Variants in RTN1 observed in about 807,000 individuals in gnomAD.
RTN1 encodes reticulon-1.
A neutral mutation model predicts 65.5 loss-of-function variants in RTN1; 25 were observed. That is an observed-to-expected ratio of 0.38 (90% CI 0.28 to 0.53). The LOEUF (loss-of-function observed/expected upper bound fraction) is 0.53. Ranked by LOEUF, RTN1 falls within the 20% of genes least tolerant of loss-of-function variation. The pLI is 0.79. For synonymous variants in RTN1, 471 were observed against 447.6 expected (o/e 1.05, Z -0.66); for missense variants, 983 against 1,025.4 (o/e 0.96, Z 0.57).
chr14:59,776,544 A>G (rs1295836464), intron 1 of RTN1, among the ~76,000 whole-genome samples: 1 of 152,156 alleles, frequency 6.6e-6, no homozygotes, highest in Non-Finnish European at 1.5e-5. Flanking sequence ...TTATAGCAAC[A>G]TGAAATGGGC....
At chr14:59,733,730 G>A (rs981303855) in intron 2 of RTN1, among the ~76,000 whole-genome samples, 2 of 152,250 alleles carry the variant, frequency 1.3e-5, no homozygotes, top group African/African-American at 2.4e-5. Context: ...CCCTGCTCAT[G>A]TTCTCCCTGG....
intron 3 of RTN1, among the ~76,000 whole-genome samples, chr14:59,699,557 T>C (rs1042996146): frequency 6.6e-6 from 1 of 152,142 alleles, no homozygotes; most frequent in African/African-American, 2.4e-5. Context: ...GATGGGGAAG[T>C]AGCAATATTT....
At chr14:59,662,376 G>A (rs1027435461) in intron 3 of RTN1, among the ~76,000 whole-genome samples, 3 of 134,380 alleles carry the variant, frequency 2.2e-5, no homozygotes, top group African/African-American at 5.7e-5. Flanking sequence ...TGTTCTCATT[G>A]TTCAATTCCC....
chr14:59,721,076 A>G (rs766591321), intron 3 of RTN1, among the ~76,000 whole-genome samples: 5 of 152,188 alleles, frequency 3.3e-5, no homozygotes, highest in Non-Finnish European at 7.3e-5. Context: ...CAAATATTTT[A>G]GGACAGAAGT....
At chr14:59,609,466 C>T (rs1881877442) in intron 3 of RTN1, among the ~76,000 whole-genome samples, 1 of 151,978 alleles carries the variant, frequency 6.6e-6, no homozygotes, top group Admixed American at 6.6e-5. Context: ...GCACCAAAAG[C>T]CATAATCTTT....
intron 1 of RTN1, among the ~76,000 whole-genome samples, chr14:59,788,501 C>A (rs1474898503): frequency 1.3e-5 from 2 of 152,066 alleles, no homozygotes; most frequent in Non-Finnish European, 2.9e-5. Flanking sequence ...TGTTTGTTTG[C>A]CACTTGTATT....
chr14:59,827,853 T>C (rs12879160), intron 1 of RTN1, among the ~76,000 whole-genome samples: 27,658 of 152,220 alleles, frequency 0.18, 2,919 homozygotes, highest in East Asian at 0.29. Flanking sequence ...TCAGGGCAAG[T>C]CTTTTGATTT....
chr14:59,642,538 T>A (rs1226613500), intron 3 of RTN1, among the ~76,000 whole-genome samples: 1 of 152,162 alleles, frequency 6.6e-6, no homozygotes, highest in Non-Finnish European at 1.5e-5. Flanking sequence ...CCACTTCGGA[T>A]ATTTGATATT....
intron 3 of RTN1, among the ~76,000 whole-genome samples, chr14:59,718,518 C>T (rs141054326): frequency 2.0e-5 from 3 of 152,294 alleles, no homozygotes; most frequent in Admixed American, 6.5e-5. Flanking sequence ...ACCATAATCC[C>T]TACCTATCTC....
intron 3 of RTN1, among the ~76,000 whole-genome samples, chr14:59,677,013 C>A (rs1163695813): frequency 6.6e-6 from 1 of 152,094 alleles, no homozygotes; most frequent in Non-Finnish European, 1.5e-5. Context: ...GAGAGCTCAC[C>A]CCAAATCTCC....
At chr14:59,853,480 T>G (rs544972183) in intron 1 of RTN1, among the ~76,000 whole-genome samples, 1 of 152,260 alleles carries the variant, frequency 6.6e-6, no homozygotes, top group African/African-American at 2.4e-5. Context: ...CATCCTATCT[T>G]CTTTTAAGCA....
In RTN1 at chr14:59,675,052, T is replaced by TACACAC. The variant is rs5809041; in HGVS notation, c.1765+51861_1765+51866dup. ...CAGCCCAGTGGGGTATGCAGATGAA[T>TACACAC]ACACACACACACACACACACACACA... On this transcript the variant is annotated intron_variant, in intron 3 of 8. Coordinates refer to ENST00000267484, the MANE Select transcript of RTN1 (RefSeq NM_021136.3). 7.3e-3 allele frequency among the ~76,000 whole-genome samples: 1,088 copies of TACACAC among 148,236 alleles called. 4 individuals are homozygous for TACACAC. Among genetic ancestry groups the TACACAC allele is most frequent in the African/African-American group, 0.017 (672 of 40,348 alleles).
At chr14:59,844,785 G>T (rs1887376424) in intron 1 of RTN1, among the ~76,000 whole-genome samples, 1 of 152,090 alleles carries the variant, frequency 6.6e-6, no homozygotes, top group Non-Finnish European at 1.5e-5. Context: ...ACGACTTAGG[G>T]AAAACATATA....
intron 3 of RTN1, among the ~76,000 whole-genome samples, chr14:59,715,311 C>G (rs1297884677): frequency 6.6e-6 from 1 of 152,194 alleles, no homozygotes; most frequent in African/African-American, 2.4e-5. Flanking sequence ...GGCTCTGAGA[C>G]TTTCCTCATC....
chr14:59,679,388 G>A (rs781471774), intron 3 of RTN1, among the ~76,000 whole-genome samples: 1 of 152,032 alleles, frequency 6.6e-6, no homozygotes, highest in Non-Finnish European at 1.5e-5. Context: ...GTAAAATAAG[G>A]CTAGAGACTG....
chr14:59,764,786 A>G (rs1176922736), intron 1 of RTN1, among the ~76,000 whole-genome samples: 1 of 152,178 alleles, frequency 6.6e-6, no homozygotes, highest in African/African-American at 2.4e-5. Flanking sequence ...TGAATGGGAT[A>G]ATTATCTTCA....
chr14:59,765,091 A>G (rs1173301045), intron 1 of RTN1, among the ~76,000 whole-genome samples: 1 of 152,152 alleles, frequency 6.6e-6, no homozygotes, highest in Non-Finnish European at 1.5e-5. Flanking sequence ...TTGCCTCGTA[A>G]AATGCTGTTC....
At chr14:59,807,183 G>A (rs1221426032) in intron 1 of RTN1, among the ~76,000 whole-genome samples, 1 of 152,186 alleles carries the variant, frequency 6.6e-6, no homozygotes, top group African/African-American at 2.4e-5. Context: ...GAAGCATGGT[G>A]GGTGGTGACA....
chr14:59,607,663 CTT>C (rs1200376781), intron 3 of RTN1, 171 bp from the exon 4 acceptor site: 1 of 623,216 alleles, frequency 1.6e-6, no homozygotes, highest in African/African-American at 1.8e-5. Flanking sequence ...TGTCATTCCA[CTT>C]TGGTTTGGAA....
Sources: gnomAD v4.1 joint callset for allele counts (sites outside exome capture counted in the v4.1 genomes callset) on GRCh38, gnomAD v4.1.1 for gene constraint, MANE v1.5 for transcripts, NCBI Gene and HGNC (gene_info 2026-07-23, HGNC 2026-07-21) for gene names.